Variants in PAPPA observed in about 807,000 individuals in gnomAD.
The protein encoded by PAPPA is pappalysin-1.
Under a neutral mutation model 164.0 loss-of-function variants are expected in PAPPA, and 60 were observed. The ratio of observed to expected loss-of-function variants is 0.37; its 90% CI spans 0.30 to 0.45. The LOEUF is 0.45. Among genes scored for constraint, PAPPA ranks in the 20% least tolerant of loss-of-function variants. PAPPA has a pLI of 1.00. For synonymous variants in PAPPA, 875 were observed against 814.1 expected (o/e 1.07, Z -1.27); for missense variants, 1,782 against 2,087.3 (o/e 0.85, Z 2.85).
chr9:116,380,773 G>A (rs1015645125), intron 20 of PAPPA, among the ~76,000 whole-genome samples: 3 of 152,178 alleles, frequency 2.0e-5, no homozygotes, highest in African/African-American at 7.2e-5. Flanking sequence ...TTAGACTCTA[G>A]TAGTAGAGTG....
chr9:116,317,055 G>A (rs910210859), intron 10 of PAPPA, among the ~76,000 whole-genome samples: 1 of 152,052 alleles, frequency 6.6e-6, no homozygotes, highest in Non-Finnish European at 1.5e-5. Context: ...AACACAATCT[G>A]GAACACACAG....
chr9:116,281,681 C>T (rs1341774542), intron 9 of PAPPA, among the ~76,000 whole-genome samples: 1 of 152,164 alleles, frequency 6.6e-6, no homozygotes, highest in Non-Finnish European at 1.5e-5. Context: ...GTATTGTTAA[C>T]ACCACATTCC....
intron 2 of PAPPA, among the ~76,000 whole-genome samples, chr9:116,193,964 G>T (rs535344852): frequency 1.3e-5 from 2 of 152,318 alleles, no homozygotes; most frequent in East Asian, 3.9e-4. Flanking sequence ...GCATAAGCAG[G>T]CTTTGTAATA....
At chr9:116,352,641 C>T in intron 15 of PAPPA, 65 bp from the exon 16 acceptor site, 3 of 1,270,176 alleles carry the variant, frequency 2.4e-6, no homozygotes, top group Non-Finnish European at 3.5e-6. Context: ...ATCCAAGTAG[C>T]TATACATTAG....
chr9:116,200,096 A>G (rs1844154643), intron 2 of PAPPA, among the ~76,000 whole-genome samples: 1 of 152,126 alleles, frequency 6.6e-6, no homozygotes, highest in African/African-American at 2.4e-5. Flanking sequence ...AAACTATAGC[A>G]CAGATGTAGC....
At chr9:116,262,428 T>C (rs1364684041) in intron 7 of PAPPA, among the ~76,000 whole-genome samples, 2 of 152,230 alleles carry the variant, frequency 1.3e-5, no homozygotes, top group African/African-American at 4.8e-5. Context: ...TCAGGTGATC[T>C]GCTAAAATTT....
chr9:116,308,195 C>G (rs1399155873), intron 10 of PAPPA, among the ~76,000 whole-genome samples: 1 of 152,268 alleles, frequency 6.6e-6, no homozygotes, highest in Non-Finnish European at 1.5e-5. Flanking sequence ...TAAAGCTTAC[C>G]ATGTCATCAG....
At position 116,382,529 on chromosome 9, in the gene PAPPA, G is replaced by A. The variant is rs376775206; in HGVS notation, c.4776+36G>A. The A allele has an allele frequency of 2.3e-6, 3 of 1,283,224 alleles. No individual in the cohort carries two copies. The African/African-American group carries it at 4.4e-5, about 19-fold the overall frequency. 79.5% of individuals were successfully genotyped at this position (1,283,224 alleles called of 1,614,324 possible). A position where few individuals can be genotyped will look rare whatever the true frequency, so the allele number is the denominator to read the frequency against. ...GTGCACTCCTCGGCAGCTGCCTCCTGCCCACTTCTCCAGCTTGTGGGGCCA... is the reference window on the plus strand; with the variant it reads ...GTGCACTCCTCGGCAGCTGCCTCCTACCCACTTCTCCAGCTTGTGGGGCCA... On this transcript the variant is annotated intron_variant, in intron 21 of 21. Transcript: ENST00000328252.
intron 2 of PAPPA, among the ~76,000 whole-genome samples, chr9:116,191,400 C>T (rs1328442232): frequency 1.3e-5 from 2 of 152,180 alleles, no homozygotes; most frequent in Admixed American, 6.5e-5. Context: ...GGGTTGAGCA[C>T]TGCACAGTAA....
chr9:116,251,759 G>T (rs1179219575), intron 7 of PAPPA, among the ~76,000 whole-genome samples: 1 of 152,148 alleles, frequency 6.6e-6, no homozygotes. Context: ...CATCGCCTTT[G>T]GTTGCATTCA....
chr9:116,337,517 CA>C, intron 13 of PAPPA, among the ~76,000 whole-genome samples: 1 of 152,282 alleles, frequency 6.6e-6, no homozygotes, highest in Non-Finnish European at 1.5e-5. Context: ...CTTTTTATAA[CA>C]CAAATTTCAA....
In PAPPA at chr9:116,154,657, C is replaced by T; in HGVS notation, c.415+70C>T. ...CCAGAGGCTCGCGGGTGTCTGGGCG[C>T]GGGTGGCGGGCGGGTCGGGGGCTTG... On this transcript the variant is annotated intron_variant, in intron 1 of 21. Transcript: ENST00000328252. The surrounding 1 kb of genome is among the most constrained non-coding windows in gnomAD (Gnocchi z 5.2). 1 of 1,253,246 alleles carries T rather than the reference C, an allele frequency of 8.0e-7. No homozygotes were observed. The highest frequency in any genetic ancestry group is 1.0e-6 in the Non-Finnish European group (1 of 998,176). 77.6% of individuals were successfully genotyped at this position (1,253,246 alleles called of 1,614,324 possible).
intron 17 of PAPPA, among the ~76,000 whole-genome samples, chr9:116,358,438 G>A (rs577865605): frequency 8.5e-5 from 13 of 152,222 alleles, no homozygotes; most frequent in South Asian, 6.2e-4. Flanking sequence ...AGATGAGCAC[G>A]TTAGATTGAT....
chr9:116,397,404 T>A lies in PAPPA; in HGVS notation c.*788T>A, dbSNP rs1846979437. On this transcript the variant is annotated 3_prime_UTR_variant, in exon 22 of 22. Coordinates refer to ENST00000328252, the MANE Select transcript of PAPPA (RefSeq NM_002581.5). ...TTGAGGCTTGAGGTCATAATATCCC[T>A]CTAGGACTTACCTGTTCCCCCAGAT... 1 of 152,872 alleles carries A rather than the reference T, an allele frequency of 6.5e-6. No individual in the cohort carries two copies. Among genetic ancestry groups the A allele is most frequent in the Admixed American group, 6.5e-5 (1 of 15,276 alleles). 9.5% of individuals were successfully genotyped at this position (152,872 alleles called of 1,614,324 possible).
intron 3 of PAPPA, among the ~76,000 whole-genome samples, chr9:116,210,360 C>T (rs900740150): frequency 6.6e-6 from 1 of 152,122 alleles, no homozygotes. Context: ...CTCTATGAGT[C>T]CCTTGACTGA....
intron 21 of PAPPA, among the ~76,000 whole-genome samples, chr9:116,384,996 C>G (rs1240590883): frequency 6.6e-6 from 1 of 152,064 alleles, no homozygotes; most frequent in Non-Finnish European, 1.5e-5. Context: ...ATGGATTCCT[C>G]TCTCTACAGA....
Position 116,347,005 on chromosome 9 carries a change from A to G in PAPPA, c.3781-21A>G. The G allele has an allele frequency of 6.2e-7, 1 of 1,600,768 alleles. No individual in the cohort carries two copies. Among genetic ancestry groups the G allele is most frequent in the Non-Finnish European group, 8.5e-7 (1 of 1,172,174 alleles). Reference sequence around the variant, plus strand: ...AGAGCTCAGTCTGCCACTCCTCACTATGCACGACTCTGCCTTTCAGACGGG... The same window carrying G: ...AGAGCTCAGTCTGCCACTCCTCACTGTGCACGACTCTGCCTTTCAGACGGG... On this transcript the variant is annotated intron_variant, in intron 14 of 21. Transcript: ENST00000328252. The surrounding 1 kb of genome is among the most constrained non-coding windows in gnomAD (Gnocchi z 4.5).
At chr9:116,368,220 C>T (rs138865321) in intron 19 of PAPPA, among the ~76,000 whole-genome samples, 2 of 152,176 alleles carry the variant, frequency 1.3e-5, no homozygotes, top group African/African-American at 2.4e-5. Flanking sequence ...CAAGCTTTAC[C>T]TGTTTTGGGG....
chr9:116,231,778 T>TTTTTTTTTTTTTG (rs1564192736), intron 6 of PAPPA, among the ~76,000 whole-genome samples: 9 of 144,094 alleles, frequency 6.2e-5, no homozygotes, highest in Non-Finnish European at 9.1e-5. Flanking sequence ...TTTTTTTTTT[T>TTTTTTTTTTTTTG]GAGATGGAGT....
Sources: gnomAD v4.1 joint callset for allele counts (sites outside exome capture counted in the v4.1 genomes callset) on GRCh38, gnomAD v4.1.1 for gene constraint, Gnocchi (gnomAD v3.1) non-coding constraint, MANE v1.5 for transcripts, NCBI Gene and HGNC (gene_info 2026-07-23, HGNC 2026-07-21) for gene names.